The following TENM3 variants were observed in gnomAD, a reference collection of about 807,000 sequenced individuals.
TENM3 encodes the protein teneurin transmembrane protein 3, also known as teneurin-3.
A neutral mutation model predicts 255.1 loss-of-function variants in TENM3; 63 were observed. That is an observed-to-expected ratio of 0.25 (90% CI 0.20 to 0.30). The LOEUF is 0.30. Among genes scored for constraint, TENM3 ranks in the 10% least tolerant of loss-of-function variants. The probability of loss-of-function intolerance (pLI) is 1.00; values close to 1 mark genes in which losing one functional copy is unlikely to be tolerated. For synonymous variants in TENM3, 1,306 were observed against 1,322.3 expected (o/e 0.99, Z 0.27); for missense variants, 2,929 against 3,461.1 (o/e 0.85, Z 3.86).
At chr4:182,039,053 A>C in the TENM3 span, among the ~76,000 whole-genome samples, 1 of 152,272 alleles carries the variant, frequency 6.6e-6, no homozygotes, top group East Asian at 1.9e-4. Flanking sequence ...ATAGTCTAAA[A>C]GATGAAATTC....
At chr4:181,576,027 A>G in the TENM3 span, among the ~76,000 whole-genome samples, 1 of 152,228 alleles carries the variant, frequency 6.6e-6, no homozygotes, top group African/African-American at 2.4e-5. Context: ...ACAGTGGTGA[A>G]GCCAGAGCTT....
chr4:182,173,115 T>C (rs11947210), intron 1 of TENM3, among the ~76,000 whole-genome samples: 91,881 of 152,084 alleles, frequency 0.6, 28,315 homozygotes, highest in Non-Finnish European at 0.67. Context: ...AATGAACTTT[T>C]ATGTTTCTGT....
chr4:181,736,874 G>C, the TENM3 span, among the ~76,000 whole-genome samples: 2 of 151,726 alleles, frequency 1.3e-5, no homozygotes, highest in East Asian at 3.9e-4. Context: ...CGATGCACGT[G>C]CTTTCTTGTC....
intron 12 of TENM3, among the ~76,000 whole-genome samples, chr4:182,704,400 A>T (rs1312794153): frequency 6.6e-6 from 1 of 152,150 alleles, no homozygotes; most frequent in Non-Finnish European, 1.5e-5. Flanking sequence ...TGAAATCCTA[A>T]ATTGAAGGAA....
chr4:182,399,521 T>A (rs553003245), intron 3 of TENM3, among the ~76,000 whole-genome samples: 1 of 152,086 alleles, frequency 6.6e-6, no homozygotes, highest in Non-Finnish European at 1.5e-5. Context: ...TAGCTATGAG[T>A]TTTCTTGGCA....
At chr4:182,185,559 C>A (rs1753101123) in intron 1 of TENM3, among the ~76,000 whole-genome samples, 1 of 152,186 alleles carries the variant, frequency 6.6e-6, no homozygotes, top group East Asian at 1.9e-4. Flanking sequence ...TCTTGTTAGT[C>A]TTTTCTGAGT....
chr4:181,994,969 T>C, the TENM3 span, among the ~76,000 whole-genome samples: 4 of 152,162 alleles, frequency 2.6e-5, no homozygotes, highest in African/African-American at 4.8e-5. Flanking sequence ...CTACACTTAT[T>C]TATATTTAGT....
chr4:182,342,673 A>C lies in TENM3; in HGVS notation c.233-3978A>C, dbSNP rs551000986. ...TGTTTGTTTTTTTAAAGGAACAAAC[A>C]AGCAAGAGACCAAGAGAGAAGGAGA... On this transcript the variant is annotated intron_variant, in intron 2 of 27. Transcript: ENST00000511685. Among the ~76,000 whole-genome samples the C allele has an allele frequency of 3.3e-4, 51 of 152,342 alleles. 1 individual carries two copies. Among genetic ancestry groups the C allele is most frequent in the African/African-American group, 1.1e-3 (46 of 41,592 alleles).
In TENM3 at chr4:182,148,929, AG is replaced by A. The variant is rs1256314651; in HGVS notation, c.-76+4176del. Among the ~76,000 whole-genome samples the A allele has an allele frequency of 4.6e-5, 7 of 152,068 alleles. No individual in the cohort carries two copies. The East Asian group carries it at 1.3e-3, about 29-fold the overall frequency. On this transcript the variant is annotated intron_variant, in intron 1 of 2. Transcript: ENST00000512480. ...TAAAAGATTAGGAGCACAGAATATA[AG>A]ATTAATATAGATTAGCATTCTAATA... is the stretch of plus-strand genomic sequence containing the variant.
chr4:181,953,769 T>G, the TENM3 span, among the ~76,000 whole-genome samples: 2 of 152,306 alleles, frequency 1.3e-5, no homozygotes, highest in African/African-American at 2.4e-5. Flanking sequence ...TTGTATTTTT[T>G]TAATGTTTTA....
chr4:181,542,423 A>G, the TENM3 span, among the ~76,000 whole-genome samples: 9,926 of 152,244 alleles, frequency 0.065, 356 homozygotes, highest in South Asian at 0.15. Flanking sequence ...TTTGAGTAGC[A>G]GATTTGATTT....
the TENM3 span, among the ~76,000 whole-genome samples, chr4:181,731,517 A>G: frequency 6.6e-6 from 1 of 152,046 alleles, no homozygotes. Context: ...ACACCCAGCT[A>G]GTTTTTTATA....
chr4:182,800,100 A>AAGGCGCGCATCCTGGAGC lies in TENM3; in HGVS notation c.7857_7874dup (p.Ile2620_Arg2625dup). 1.9e-6 allele frequency: 3 copies of AAGGCGCGCATCCTGGAGC among 1,579,394 alleles called. No individual in the cohort carries two copies. The highest frequency in any genetic ancestry group is 1.7e-6 in the Non-Finnish European group (2 of 1,164,660). ...CTACGGCATGACCCTGGACGAGGAG[A>AAGGCGCGCATCCTGGAGC]AGGCGCGCATCCTGGAGCAGGCGCG... On this transcript the variant is annotated inframe_insertion, in exon 28 of 28. Transcript: ENST00000511685.
chr4:182,111,711 G>T, the TENM3 span, among the ~76,000 whole-genome samples: 3 of 152,142 alleles, frequency 2.0e-5, no homozygotes, highest in Non-Finnish European at 2.9e-5. Flanking sequence ...AGTTGTAAGA[G>T]ATTTATTTCC....
intron 24 of TENM3, among the ~76,000 whole-genome samples, chr4:182,779,198 C>A (rs995100619): frequency 6.6e-6 from 1 of 151,518 alleles, no homozygotes; most frequent in African/African-American, 2.4e-5. Context: ...CCAATGCTAT[C>A]CCTCCCCGCT....
At chr4:181,990,916 T>A in the TENM3 span, among the ~76,000 whole-genome samples, 12 of 152,098 alleles carry the variant, frequency 7.9e-5, no homozygotes, top group Admixed American at 3.9e-4. Context: ...TACTAAGGGG[T>A]GCAAGCAAAT....
At chr4:182,769,549 C>T (rs138416106) in intron 22 of TENM3, among the ~76,000 whole-genome samples, 2,619 of 151,720 alleles carry the variant, frequency 0.017, 63 homozygotes, top group African/African-American at 0.06. Flanking sequence ...TTTGGGAGGC[C>T]GAGGCGGGAG....
chr4:181,877,036 G>A, the TENM3 span: 1 of 152,044 alleles, frequency 6.6e-6, no homozygotes, highest in Non-Finnish European at 1.5e-5. Flanking sequence ...ATATCAGTAA[G>A]CACTTACCTA....
At chr4:182,280,218 C>G (rs1398598263) in intron 1 of TENM3, among the ~76,000 whole-genome samples, 2 of 152,194 alleles carry the variant, frequency 1.3e-5, no homozygotes, top group Non-Finnish European at 2.9e-5. Context: ...CTGCTTTAGG[C>G]TCTCAGTTTC....
Sources: allele counts gnomAD v4.1 joint callset (sites outside exome capture counted in the v4.1 genomes callset), GRCh38; gene constraint gnomAD v4.1.1; transcripts MANE v1.5; gene names NCBI Gene and HGNC (gene_info 2026-07-23, HGNC 2026-07-21).